The following CCAR1 variants were observed in gnomAD, a reference collection of about 807,000 sequenced individuals.
The protein encoded by CCAR1 is cell division cycle and apoptosis regulator 1, also known as cell division cycle and apoptosis regulator protein 1.
Under a neutral mutation model 163.8 loss-of-function variants are expected in CCAR1, and 78 were observed. The ratio of observed to expected loss-of-function variants is 0.48; its 90% CI spans 0.40 to 0.57. The LOEUF is 0.57. Ranked by LOEUF, CCAR1 falls within the 20% of genes least tolerant of loss-of-function variation. CCAR1 has a pLI of 0.00. For synonymous variants in CCAR1, 443 were observed against 460.7 expected, an observed-to-expected ratio of 0.96 and a Z score of 0.49; for missense variants, 1,019 against 1,365.2, an observed-to-expected ratio of 0.75 and a Z score of 4.00.
chr10:68,789,086 T>C (rs934169857), intron 23 of CCAR1, among the ~76,000 whole-genome samples: 3 of 151,634 alleles, frequency 2.0e-5, no homozygotes, highest in African/African-American at 7.3e-5. Flanking sequence ...ATTTTTTGTA[T>C]TTTTAGTAGA....
chr10:68,747,438 A>T lies in CCAR1; in HGVS notation c.698A>T (p.Gln233Leu). 1 of 1,614,156 alleles carries T rather than the reference A, an allele frequency of 6.2e-7. No homozygotes were observed. Among genetic ancestry groups the T allele is most frequent in the Non-Finnish European group, 8.5e-7 (1 of 1,180,032 alleles). The change falls in exon 8 of 25, where the codon CAG (glutamine) becomes CTG (leucine). Residue 233 changes from glutamine to leucine, a missense_variant. Physicochemically the swap from Gln to Leu is moderately radical, Grantham distance 113. Coordinates refer to ENST00000265872, the MANE Select transcript of CCAR1 (RefSeq NM_018237.4). ...PPAVLQPIAPQTTFGVQTQPQ... is the reference protein window; with the variant it reads ...PPAVLQPIAPLTTFGVQTQPQ... ...GCTGTACTTCAGCCAATTGCACCACAGACAACATTTGGTGTTCAGACTCAG... is the reference window on the plus strand; with the variant it reads ...GCTGTACTTCAGCCAATTGCACCACTGACAACATTTGGTGTTCAGACTCAG...
intron 19 of CCAR1, among the ~76,000 whole-genome samples, chr10:68,775,270 A>AT (rs916955240): frequency 1.3e-5 from 2 of 152,110 alleles, no homozygotes; most frequent in African/African-American, 4.8e-5. Flanking sequence ...TTACTATGTA[A>AT]TATCTCCTCT....
chr10:68,740,549 A>T, intron 4 of CCAR1, 80 bp from the exon 5 acceptor site: 1 of 1,096,026 alleles, frequency 9.1e-7, no homozygotes. Flanking sequence ...CTTTTATAGG[A>T]TTATTTCTTT....
chr10:68,736,316 G>A (rs932620023), intron 2 of CCAR1, among the ~76,000 whole-genome samples: 4 of 104,968 alleles, frequency 3.8e-5, no homozygotes, highest in East Asian at 5.8e-4. Context: ...GCTATTTAAC[G>A]TGCATTACTT....
chr10:68,737,924 TAA>T, intron 4 of CCAR1, 35 bp downstream of exon 4: 1 of 1,385,076 alleles, frequency 7.2e-7, no homozygotes, highest in Middle Eastern at 1.8e-4. Flanking sequence ...AAACTGATTT[TAA>T]AATAGCCATT....
chr10:68,737,808 G>A (rs768283185), intron 3 of CCAR1, 37 bp from the exon 4 acceptor site: 1 of 1,291,798 alleles, frequency 7.7e-7, no homozygotes, highest in Non-Finnish European at 1.1e-6. Context: ...TTTAGTGTCT[G>A]TATTTTTCTT....
Position 68,786,154 on chromosome 10 carries a change from T to C in CCAR1, c.2669T>C (p.Met890Thr), listed in dbSNP as rs1406224262. The change falls in exon 20 of 25, where the codon ATG becomes ACG. Residue 890 changes from methionine to threonine, a missense_variant. Coordinates refer to ENST00000265872, the MANE Select transcript of CCAR1 (RefSeq NM_018237.4). Reference protein sequence around the residue: ...DEEDDRDEEEMTKRDDKRDIN... With the variant: ...DEEDDRDEEETTKRDDKRDIN... ...TTTACAGATAGGGATGAGGAAGAAA[T>C]GACCAAACGAGATGACAAAAGAGAT... 7.4e-6 allele frequency: 12 copies of C among 1,612,252 alleles called. No homozygotes were observed. The East Asian group carries it at 2.7e-4, about 36-fold the overall frequency.
chr10:68,725,229 C>T (rs1050475063), intron 2 of CCAR1, among the ~76,000 whole-genome samples: 15 of 152,038 alleles, frequency 9.9e-5, no homozygotes, highest in Admixed American at 2.0e-4. Context: ...CTTTGGGAGG[C>T]GGAGGTGGGC....
rs186525410 is a variant in CCAR1, at chr10:68,739,303, C to G, written c.292-1326C>G. Reference sequence around the variant, plus strand: ...TAGCTAGGATTACAGGTGCATGCCACTAGGCCCGCCTAATTTTTTCTATTT... The same window carrying G: ...TAGCTAGGATTACAGGTGCATGCCAGTAGGCCCGCCTAATTTTTTCTATTT... On this transcript the variant is annotated intron_variant, in intron 4 of 24. Transcript: ENST00000265872. Among the ~76,000 whole-genome samples, 251 of 152,304 alleles carry G rather than the reference C, an allele frequency of 1.6e-3. 3 individuals carry two copies. Among genetic ancestry groups the G allele is most frequent in the Admixed American group, 0.016 (247 of 15,298 alleles).
At chr10:68,788,365 A>T in intron 23 of CCAR1, 37 bp downstream of exon 23, 1 of 1,451,150 alleles carries the variant, frequency 6.9e-7, no homozygotes, top group African/African-American at 1.4e-5. Context: ...TACTTTCAGC[A>T]CCCTGCTGGG....
chr10:68,757,386 G>T lies in CCAR1; in HGVS notation c.1920+9G>T. 7.2e-7 allele frequency: 1 copy of T among 1,382,572 alleles called. No individual in the cohort carries two copies. The highest frequency in any genetic ancestry group is 1.2e-5 in the South Asian group (1 of 83,094). 85.6% of individuals were successfully genotyped at this position (1,382,572 alleles called of 1,614,324 possible). A position where few individuals can be genotyped will look rare whatever the true frequency, so the allele number is the denominator to read the frequency against. On this transcript the variant is annotated intron_variant, in intron 15 of 24. Coordinates refer to ENST00000265872, the MANE Select transcript of CCAR1 (RefSeq NM_018237.4). ...ATCCAAAGACAATGAAGGTAACTTT[G>T]ATAAGGATGGATTTTATTTATTTTT...
Position 68,747,145 on chromosome 10 carries a change from C to CTT in CCAR1, c.519-6_519-5dup, listed in dbSNP as rs71474438. On this transcript the variant is annotated splice_polypyrimidine_tract_variant and intron_variant, in intron 6 of 24. Coordinates refer to ENST00000265872, the MANE Select transcript of CCAR1 (RefSeq NM_018237.4). The stretch of plus-strand genomic sequence containing the variant: ...TGTATTTATATTTAACTTTTTTTTT[C>CTT]TTTTTTTTTTTACAGTGCTGTCAAA... The CTT allele has an allele frequency of 1.2e-3, 1,290 of 1,087,258 alleles. No homozygotes were observed. Among genetic ancestry groups the CTT allele is most frequent in the South Asian group, 2.2e-3 (130 of 59,552 alleles). 67.4% of individuals were successfully genotyped at this position (1,087,258 alleles called of 1,614,324 possible). A position where few individuals can be genotyped will look rare whatever the true frequency, so the allele number is the denominator to read the frequency against.
intron 16 of CCAR1, among the ~76,000 whole-genome samples, chr10:68,763,897 A>G (rs927447824): frequency 2.6e-5 from 4 of 152,148 alleles, no homozygotes; most frequent in African/African-American, 7.2e-5. Flanking sequence ...ATTTTGTGCT[A>G]TCCTTGTCCT....
At chr10:68,722,924 AAAAAC>A (rs1362547146) in intron 2 of CCAR1, among the ~76,000 whole-genome samples, 4 of 152,010 alleles carry the variant, frequency 2.6e-5, no homozygotes, top group Non-Finnish European at 4.4e-5. Flanking sequence ...TCCGTCTCAA[AAAAAC>A]AAAACAAAAC....
chr10:68,776,739 G>A (rs951990094), intron 19 of CCAR1, among the ~76,000 whole-genome samples: 6 of 152,046 alleles, frequency 3.9e-5, no homozygotes, highest in Non-Finnish European at 8.8e-5. Flanking sequence ...TGTAGAGATG[G>A]GGTCTCAGTA....
At chr10:68,772,951 ATAAG>A (rs1346087691) in intron 18 of CCAR1, 33 bp from the exon 19 acceptor site, 1 of 1,123,776 alleles carries the variant, frequency 8.9e-7, no homozygotes, top group Non-Finnish European at 1.3e-6. Context: ...TCTTCTAAAA[ATAAG>A]TAAATAAATA....
intron 4 of CCAR1, 77 bp downstream of exon 4, chr10:68,737,966 T>G: frequency 1.0e-6 from 1 of 953,746 alleles, no homozygotes; most frequent in South Asian, 1.5e-5. Context: ...TAGAGAGTTT[T>G]ATTTCTATCA....
intron 19 of CCAR1, among the ~76,000 whole-genome samples, chr10:68,784,910 C>T (rs911845936): frequency 2.0e-5 from 3 of 146,584 alleles, no homozygotes; most frequent in Non-Finnish European, 4.5e-5. Context: ...ATAGTGTGAA[C>T]ATAACTTTTT....
At position 68,763,790 on chromosome 10, in the gene CCAR1, C is replaced by T. The variant is rs575025167; in HGVS notation, c.2107-2098C>T. On this transcript the variant is annotated intron_variant, in intron 16 of 24. Transcript: ENST00000265872. The stretch of plus-strand genomic sequence containing the variant: ...GTGATGAAATTGTCCCAGAGTTGGA[C>T]GGTGGGAGTTCTTTCAAGTTATGTG... Among the ~76,000 whole-genome samples, 9 of 152,264 alleles carry T rather than the reference C, an allele frequency of 5.9e-5. 1 individual carries two copies. The highest frequency in any genetic ancestry group is 1.7e-4 in the African/African-American group (7 of 41,568).
Sources: gnomAD v4.1 joint callset for allele counts (sites outside exome capture counted in the v4.1 genomes callset) on GRCh38, gnomAD v4.1.1 for gene constraint, MANE v1.5 for transcripts, NCBI Gene and HGNC (gene_info 2026-07-23, HGNC 2026-07-21) for gene names.